Variants in SATB2 observed in about 807,000 individuals in gnomAD.
The protein encoded by SATB2 is SATB homeobox 2, also known as DNA-binding protein SATB2.
Under a neutral mutation model 73.4 loss-of-function variants are expected in SATB2, and 1 was observed. That is an observed-to-expected ratio of 0.01 (90% confidence interval 0.00 to 0.06). The LOEUF is 0.06. Among genes scored for constraint, SATB2 ranks in the 10% least tolerant of loss-of-function variants. SATB2 has a pLI of 1.00. For synonymous variants in SATB2, 397 were observed against 367.0 expected, an observed-to-expected ratio of 1.08 and a Z score of -0.93; for missense variants, 459 against 945.8, an observed-to-expected ratio of 0.49 and a Z score of 6.75.
intron 10 of SATB2, among the ~76,000 whole-genome samples, chr2:199,283,630 A>G (rs994241110): frequency 3.3e-5 from 5 of 150,150 alleles, no homozygotes; most frequent in African/African-American, 1.2e-4. Flanking sequence ...AAATTTGCCA[A>G]TGGTACAAAA....
At chr2:199,453,377 T>G (rs1175841145) in intron 2 of SATB2, among the ~76,000 whole-genome samples, 1 of 152,040 alleles carries the variant, frequency 6.6e-6, no homozygotes, top group Admixed American at 6.6e-5. Flanking sequence ...TTGAAAAGAC[T>G]GCAATATATC....
intron 3 of SATB2, among the ~76,000 whole-genome samples, chr2:199,424,206 C>G (rs918875630): frequency 6.6e-6 from 1 of 152,142 alleles, no homozygotes; most frequent in African/African-American, 2.4e-5. Context: ...GACTTAAGAC[C>G]CTTTACAGCT....
At chr2:199,295,121 T>C (rs1692990545) in intron 10 of SATB2, among the ~76,000 whole-genome samples, 1 of 152,142 alleles carries the variant, frequency 6.6e-6, no homozygotes, top group South Asian at 2.1e-4. Context: ...AATACAAAGA[T>C]AAACATGTTT....
chr2:199,333,513 A>C (rs1688250026), intron 7 of SATB2, among the ~76,000 whole-genome samples: 1 of 152,150 alleles, frequency 6.6e-6, no homozygotes, highest in South Asian at 2.1e-4. Flanking sequence ...GGGGAGTATT[A>C]GAACATTTGA....
At chr2:199,433,963 T>C (rs541854407) in intron 2 of SATB2, among the ~76,000 whole-genome samples, 3 of 152,100 alleles carry the variant, frequency 2.0e-5, no homozygotes, top group African/African-American at 7.2e-5. Flanking sequence ...ATATTACTTT[T>C]ACGTGTAAAA....
In SATB2 at chr2:199,275,747, C is replaced by T. The variant is rs148086312; in HGVS notation, c.1741-3075G>A. 2.3e-3 allele frequency among the ~76,000 whole-genome samples: 352 copies of T among 152,222 alleles called. 3 individuals are homozygous for T. Among genetic ancestry groups the T allele is most frequent in the Non-Finnish European group, 3.8e-3 (256 of 68,010 alleles). ...CATAGTGGGTTGGGCACCATGATGA[C>T]ATCTACATGAAGATGGTTAAGTTAT... On this transcript the variant is annotated intron_variant, in intron 10 of 10. Transcript: ENST00000417098.
chr2:199,285,559 G>C (rs892039910), intron 10 of SATB2, among the ~76,000 whole-genome samples: 3 of 151,700 alleles, frequency 2.0e-5, no homozygotes, highest in African/African-American at 7.3e-5. Flanking sequence ...AGTATCCTAA[G>C]GTCAAAACTC....
intron 3 of SATB2, among the ~76,000 whole-genome samples, chr2:199,421,890 T>G (rs963407026): frequency 2.6e-5 from 4 of 152,174 alleles, no homozygotes; most frequent in Non-Finnish European, 1.5e-5. Flanking sequence ...GAAAATAAAT[T>G]TATTTTCAAA....
intron 7 of SATB2, among the ~76,000 whole-genome samples, chr2:199,340,520 A>G (rs1281707620): frequency 6.6e-6 from 1 of 152,170 alleles, no homozygotes; most frequent in Non-Finnish European, 1.5e-5. Flanking sequence ...GTTTCCAAGA[A>G]CCGGCTCAGA....
intron 2 of SATB2, among the ~76,000 whole-genome samples, chr2:199,442,996 A>G (rs1691865141): frequency 6.7e-6 from 1 of 149,852 alleles, no homozygotes; most frequent in African/African-American, 2.4e-5. Context: ...TGTTAAGTAA[A>G]ATTTCATTCT....
At chr2:199,366,630 TGACACACACACA>T (rs1689291794) in intron 6 of SATB2, among the ~76,000 whole-genome samples, 2 of 151,974 alleles carry the variant, frequency 1.3e-5, no homozygotes, top group South Asian at 4.1e-4. Context: ...CTCCTCCTAC[TGACACACACACA>T]GACACACACA....
chr2:199,388,054 C>CA (rs138020417), intron 3 of SATB2, among the ~76,000 whole-genome samples: 2,732 of 152,176 alleles, frequency 0.018, 85 homozygotes, highest in African/African-American at 0.061. Flanking sequence ...TATATAAAAA[C>CA]AAAAGAGTGG....
intron 8 of SATB2, among the ~76,000 whole-genome samples, chr2:199,325,799 T>C (rs1445223194): frequency 1.3e-5 from 2 of 152,072 alleles, no homozygotes; most frequent in Non-Finnish European, 2.9e-5. Context: ...CATAATACCA[T>C]AAAATGGTGA....
intron 6 of SATB2, among the ~76,000 whole-genome samples, chr2:199,356,358 C>G (rs1308999748): frequency 6.6e-6 from 1 of 151,810 alleles, no homozygotes; most frequent in Non-Finnish European, 1.5e-5. Context: ...GCTTTTGGCA[C>G]TCTTAGTAAA....
intron 3 of SATB2, among the ~76,000 whole-genome samples, chr2:199,390,412 A>G (rs1198070117): frequency 4.6e-5 from 7 of 152,218 alleles, no homozygotes; most frequent in African/African-American, 1.7e-4. Flanking sequence ...TGTTGTTCTA[A>G]GTTTAATCAT....
chr2:199,292,614 T>G (rs1279758291), intron 10 of SATB2, among the ~76,000 whole-genome samples: 1 of 152,240 alleles, frequency 6.6e-6, no homozygotes, highest in East Asian at 1.9e-4. Flanking sequence ...AGAACATGTC[T>G]TGGAATCTGA....
intron 10 of SATB2, among the ~76,000 whole-genome samples, chr2:199,297,465 C>A (rs1374985927): frequency 1.3e-5 from 2 of 152,180 alleles, no homozygotes; most frequent in African/African-American, 4.8e-5. Flanking sequence ...AGAGGTTCCA[C>A]TGAAGGGAGT....
At chr2:199,462,184 C>G (rs1439908663), upstream of SATB2, among the ~76,000 whole-genome samples, 3 of 152,238 alleles carry the variant, frequency 2.0e-5, no homozygotes, top group African/African-American at 7.2e-5. The surrounding 1 kb of genome is among the most constrained non-coding windows in gnomAD (Gnocchi z 5.9). Context: ...ATGGGAATCG[C>G]CCGCGTCAAA....
intron 3 of SATB2, among the ~76,000 whole-genome samples, chr2:199,405,872 T>G (rs1690616563): frequency 6.6e-6 from 1 of 152,176 alleles, no homozygotes; most frequent in African/African-American, 2.4e-5. Flanking sequence ...TAGGAATGCT[T>G]GATTATATGA....
Sources: allele counts gnomAD v4.1 joint callset (sites outside exome capture counted in the v4.1 genomes callset), GRCh38; gene constraint gnomAD v4.1.1; non-coding constraint Gnocchi (gnomAD v3.1); transcripts MANE v1.5; gene names NCBI Gene and HGNC (gene_info 2026-07-23, HGNC 2026-07-21).